The following HNRNPF variants were observed in gnomAD, a reference collection of about 807,000 sequenced individuals.
The protein encoded by HNRNPF is heterogeneous nuclear ribonucleoprotein F.
HNRNPF carries 2 observed loss-of-function variants against 26.0 expected under a neutral mutation model. The ratio of observed to expected loss-of-function variants is 0.08; its 90% CI spans 0.03 to 0.24. HNRNPF has a LOEUF of 0.24. Among genes scored for constraint, HNRNPF ranks in the 10% least tolerant of loss-of-function variants. HNRNPF has a pLI of 1.00. For synonymous variants in HNRNPF, 234 were observed against 211.5 expected (o/e 1.11, Z -0.92); for missense variants, 299 against 539.2 (o/e 0.55, Z 4.41).
chr10:43,403,261 G>A (rs1289586861), intron 1 of HNRNPF, among the ~76,000 whole-genome samples: 3 of 152,182 alleles, frequency 2.0e-5, no homozygotes, highest in African/African-American at 7.2e-5. Flanking sequence ...CAAGCAATCC[G>A]CCTGCCTTGG....
At chr10:43,393,151 A>C (rs974617708) in intron 3 of HNRNPF, among the ~76,000 whole-genome samples, 2 of 152,216 alleles carry the variant, frequency 1.3e-5, no homozygotes, top group African/African-American at 2.4e-5. Context: ...AACACGTTGA[A>C]TGGCAGCCTA....
chr10:43,401,929 C>T (rs2057035323), intron 1 of HNRNPF, among the ~76,000 whole-genome samples: 1 of 152,122 alleles, frequency 6.6e-6, no homozygotes, highest in Admixed American at 6.6e-5. Context: ...CCACTGCATT[C>T]TGCCTTGGGG....
intron 1 of HNRNPF, among the ~76,000 whole-genome samples, chr10:43,407,299 C>G (rs1288802356): frequency 6.6e-6 from 1 of 151,732 alleles, no homozygotes; most frequent in Non-Finnish European, 1.5e-5. Flanking sequence ...CGCAGATGGC[C>G]GGCCCGAGCC....
At chr10:43,393,379 T>A (rs1054428207) in intron 3 of HNRNPF, among the ~76,000 whole-genome samples, 7 of 152,162 alleles carry the variant, frequency 4.6e-5, no homozygotes, top group Non-Finnish European at 1.0e-4. Flanking sequence ...GCAGGTCACC[T>A]GAAGTCAGGA....
At chr10:43,398,153 G>C (rs947815514) in intron 1 of HNRNPF, among the ~76,000 whole-genome samples, 1 of 151,950 alleles carries the variant, frequency 6.6e-6, no homozygotes, top group Non-Finnish European at 1.5e-5. Context: ...TCAGCCTCCC[G>C]AGTAGCTGGG....
chr10:43,386,154 CAGTATT>C lies in HNRNPF; in HGVS notation c.*477_*482del, dbSNP rs1430925351. On this transcript the variant is annotated 3_prime_UTR_variant, in exon 4 of 4. Transcript: ENST00000682386. ...TAAGTCAAGGCCTCACCAATTCCTA[CAGTATT>C]AGTATTGTGTCTCAATTCTCAAAAC... 2 of 152,730 alleles carry C rather than the reference CAGTATT, an allele frequency of 1.3e-5. No homozygotes were observed. Among genetic ancestry groups the C allele is most frequent in the Non-Finnish European group, 2.9e-5 (2 of 68,118 alleles). 9.5% of individuals were successfully genotyped at this position (152,730 alleles called of 1,614,324 possible).
At chr10:43,390,521 C>T (rs548784083) in intron 3 of HNRNPF, among the ~76,000 whole-genome samples, 1 of 152,298 alleles carries the variant, frequency 6.6e-6, no homozygotes, top group East Asian at 1.9e-4. Flanking sequence ...ACTCCCTCCA[C>T]CACAACTGCT....
intron 1 of HNRNPF, chr10:43,396,859 G>C (rs1042387065): frequency 2.7e-5 from 4 of 148,650 alleles, no homozygotes; most frequent in African/African-American, 1.0e-4. Context: ...GCAGGGACGG[G>C]AGGGTTCCCG....
chr10:43,408,178 C>A (rs1838992299), intron 1 of HNRNPF, among the ~76,000 whole-genome samples: 1 of 152,178 alleles, frequency 6.6e-6, no homozygotes, highest in Non-Finnish European at 1.5e-5. Context: ...CCGGCTGGGC[C>A]TCCCACTGCG....
Position 43,387,392 on chromosome 10 carries a change from C to A in HNRNPF, c.493G>T (p.Ala165Ser). Reference protein sequence around the residue: ...AFVQFASQELAEKALGKHKER... With the variant: ...AFVQFASQELSEKALGKHKER... Reference sequence around the variant, plus strand: ...TTGTGTTTCCCTAGAGCCTTCTCAGCTAACTCCTGCGAGGCAAACTGCACG... The same window carrying A: ...TTGTGTTTCCCTAGAGCCTTCTCAGATAACTCCTGCGAGGCAAACTGCACG... Residue 165 changes from alanine (A) to serine (S), a missense_variant, in exon 4 of 4, where the codon GCT (alanine) becomes TCT (serine). Ala to Ser is a moderately conservative substitution (Grantham distance 99). Around this residue, in one of 6 missense-constraint regions of HNRNPF, gnomAD observed 104 missense variants for 239.0 expected, o/e 0.44. Coordinates refer to ENST00000682386, the MANE Select transcript of HNRNPF (RefSeq NM_001098204.2). This position sits in a 1 kb window ranked among gnomAD's most constrained non-coding sequence, Gnocchi z 6.0. 6.2e-7 allele frequency: 1 copy of A among 1,614,224 alleles called. No homozygotes were observed. The highest frequency in any genetic ancestry group is 8.5e-7 in the Non-Finnish European group (1 of 1,180,028).
At chr10:43,401,798 G>A (rs549083749) in intron 1 of HNRNPF, among the ~76,000 whole-genome samples, 1 of 152,246 alleles carries the variant, frequency 6.6e-6, no homozygotes, top group East Asian at 1.9e-4. Flanking sequence ...CCTGAGGAAG[G>A]TACATTCCTT....
At chr10:43,408,794 G>A (rs1487905803) in intron 1 of HNRNPF, 6 of 152,320 alleles carry the variant, frequency 3.9e-5, no homozygotes, top group Non-Finnish European at 8.8e-5. Flanking sequence ...GGAGCACCTA[G>A]AGGAGGGTGG....
In HNRNPF at chr10:43,387,312, A is replaced by C; in HGVS notation, c.573T>G (p.Val191=). The C allele has an allele frequency of 6.2e-7, 1 of 1,614,136 alleles. No homozygotes were observed. Among genetic ancestry groups the C allele is most frequent in the Non-Finnish European group, 8.5e-7 (1 of 1,180,014 alleles). The change falls in exon 4 of 4, where the codon GTT becomes GTG. Residue 191 remains valine, a synonymous_variant. Transcript: ENST00000682386. The surrounding 1 kb of genome is among the most constrained non-coding windows in gnomAD (Gnocchi z 6.0). ...IEVFKSSQEE[V]RSYSDPPLKF... is the part of the protein sequence containing the mutation. ...TCAGAGGGGGATCTGAGTATGACCT[A>C]ACTTCCTCCTGGCTGCTCTTAAACA... is the stretch of plus-strand genomic sequence containing the variant.
intron 1 of HNRNPF, among the ~76,000 whole-genome samples, chr10:43,408,324 G>T (rs1273576638): frequency 1.3e-5 from 2 of 152,246 alleles, no homozygotes; most frequent in African/African-American, 4.8e-5. Flanking sequence ...TGCTCACCGC[G>T]TGGGACCACT....
intron 1 of HNRNPF, among the ~76,000 whole-genome samples, chr10:43,398,341 G>GTT (rs1266371609): frequency 7.0e-5 from 9 of 127,916 alleles, no homozygotes; most frequent in African/African-American, 2.8e-4. Flanking sequence ...GTTTGTTGTT[G>GTT]TTGTTTTTTT....
In HNRNPF at chr10:43,388,431, T is replaced by C. The variant is rs1172313927; in HGVS notation, c.-52-495A>G. On this transcript the variant is annotated intron_variant, in intron 3 of 3. Coordinates refer to ENST00000682386, the MANE Select transcript of HNRNPF (RefSeq NM_001098204.2). ...CAACATAGGGTAAGATTTTCTAGTG[T>C]TCTCATCAGCAGTAATGTTGCCAGG... Among the ~76,000 whole-genome samples, 4 of 152,218 alleles carry C rather than the reference T, an allele frequency of 2.6e-5. No homozygotes were observed. The East Asian group carries it at 7.7e-4, about 29-fold the overall frequency.
At chr10:43,393,846 T>G (rs1439661866) in intron 3 of HNRNPF, among the ~76,000 whole-genome samples, 1 of 152,204 alleles carries the variant, frequency 6.6e-6, no homozygotes, top group East Asian at 1.9e-4. Context: ...TCTCTGCCCC[T>G]TCAGGGATGT....
At chr10:43,408,677 AGGTCCCGGGTGT>A (rs1839008290) in intron 1 of HNRNPF, 1 of 151,346 alleles carries the variant, frequency 6.6e-6, no homozygotes, top group Non-Finnish European at 1.5e-5. Flanking sequence ...GGTCCCCGCT[AGGTCCCGGGTGT>A]GCGGCCTTCG....
rs532837578 is a variant in HNRNPF at position 43,396,862 on chromosome 10, G to C, written c.-246-272C>G. The C allele has an allele frequency of 2.0e-5, 3 of 148,200 alleles. No individual in the cohort carries two copies. The East Asian group carries it at 6.2e-4, about 30-fold the overall frequency. The allele number at this position is 148,200 out of a possible 1,614,324, so 9.2% of individuals were successfully genotyped here. A position where few individuals can be genotyped will look rare whatever the true frequency, so the allele number is the denominator to read the frequency against. On this transcript the variant is annotated intron_variant, in intron 1 of 3. Coordinates refer to ENST00000682386, the MANE Select transcript of HNRNPF (RefSeq NM_001098204.2). ...GGGAGAGTGGGGGCAGGGACGGGAG[G>C]GTTCCCGGAGGGAAGGGCGCCTCGC...
Sources: gnomAD v4.1 joint callset for allele counts (sites outside exome capture counted in the v4.1 genomes callset) on GRCh38, gnomAD v4.1.1 for gene constraint, gnomAD v4.1.1 regional missense constraint, Gnocchi (gnomAD v3.1) non-coding constraint, MANE v1.5 for transcripts, NCBI Gene and HGNC (gene_info 2026-07-23, HGNC 2026-07-21) for gene names.